NADSYN1: variants seen among roughly 807,000 people sequenced by gnomAD.
The protein encoded by NADSYN1 is glutamine-dependent NAD(+) synthetase.
NADSYN1 carries 80 observed loss-of-function variants against 99.3 expected under a neutral mutation model. The observed-to-expected ratio is 0.81, with a 90% CI of 0.67 to 0.97. The LOEUF (loss-of-function observed/expected upper bound fraction) is 0.97, where lower values mean the gene tolerates loss of function less well. Ranked by LOEUF, NADSYN1 falls within the 50% of genes least tolerant of loss-of-function variation. The pLI is 0.00. For synonymous variants in NADSYN1, 385 were observed against 372.1 expected (o/e 1.03, Z -0.40); for missense variants, 859 against 948.5 (o/e 0.91, Z 1.24).
At chr11:71,457,941 G>A (rs928318912) in intron 2 of NADSYN1, among the ~76,000 whole-genome samples, 2 of 152,190 alleles carry the variant, frequency 1.3e-5, no homozygotes, top group South Asian at 4.1e-4. Context: ...CTAAGGTGGG[G>A]TGTGGACGGA....
chr11:71,458,831 C>T (rs1224270903), intron 3 of NADSYN1: 1 of 328,092 alleles, frequency 3.0e-6, no homozygotes, highest in Admixed American at 4.4e-5. Context: ...TTCACCCCAC[C>T]CCGTGCAGAG....
intron 16 of NADSYN1, among the ~76,000 whole-genome samples, chr11:71,489,636 G>A (rs1029899272): frequency 6.6e-6 from 1 of 152,252 alleles, no homozygotes; most frequent in Non-Finnish European, 1.5e-5. Flanking sequence ...GACGGGACAG[G>A]ACAGGGAGCG....
At chr11:71,479,605 A>G (rs1439392322) in intron 10 of NADSYN1, 1 of 152,182 alleles carries the variant, frequency 6.6e-6, no homozygotes, top group East Asian at 1.9e-4. Flanking sequence ...GTCTGTCTTC[A>G]TGGATTTGCC....
Position 71,453,223 on chromosome 11 carries a change from C to G in NADSYN1, c.-74C>G. ...CGGGCAACCCGGAAGGTCCGGCGTC[C>G]CAGCCGCCTACCTCGCTGGGACCCT... is the stretch of plus-strand genomic sequence containing the variant. On this transcript the variant is annotated 5_prime_UTR_variant, in exon 1 of 21. Coordinates refer to ENST00000319023, the MANE Select transcript of NADSYN1 (RefSeq NM_018161.5). 7.2e-7 allele frequency: 1 copy of G among 1,388,282 alleles called. No individual in the cohort carries two copies. The highest frequency in any genetic ancestry group is 1.0e-6 in the Non-Finnish European group (1 of 996,332). 86.0% of individuals were successfully genotyped at this position (1,388,282 alleles called of 1,614,324 possible).
At position 71,453,314 on chromosome 11, in the gene NADSYN1, C is replaced by A. The variant is rs144185668; in HGVS notation, c.18C>A (p.Thr6=). ...CGGCCAGGATGGGCCGGAAGGTGAC[C>A]GTGGCCACCTGCGCACTCAACCAGT... MGRKV[T]VATCALNQWA... Residue 6 remains threonine, a synonymous_variant, in exon 1 of 21, where the codon ACC becomes ACA. Coordinates refer to ENST00000319023, the MANE Select transcript of NADSYN1 (RefSeq NM_018161.5). 7 of 1,613,648 alleles carry A rather than the reference C, an allele frequency of 4.3e-6. No homozygotes were observed. Among genetic ancestry groups the A allele is most frequent in the Non-Finnish European group, 5.9e-6 (7 of 1,179,792 alleles).
chr11:71,501,240 T>C (rs1949855417), intron 20 of NADSYN1, 62 bp from the exon 21 acceptor site: 1 of 1,425,046 alleles, frequency 7.0e-7, no homozygotes, highest in African/African-American at 1.4e-5. Flanking sequence ...TGCGTGCCAG[T>C]GTTTCAACAG....
Position 71,482,878 on chromosome 11 carries a change from A to G in NADSYN1, c.1180A>G (p.Ile394Val). 2 of 1,613,014 alleles carry G rather than the reference A, an allele frequency of 1.2e-6. No homozygotes were observed. The highest frequency in any genetic ancestry group is 8.5e-7 in the Non-Finnish European group (1 of 1,179,576). Residue 394 changes from isoleucine (I) to valine (V), a missense_variant, in exon 14 of 21, where the codon ATC becomes GTC. By Grantham distance (29) the Ile-to-Val change is conservative (BLOSUM62 3). Transcript: ENST00000319023. ...GGAAGTGCTGGCTGATGTCCGCACC[A>G]TCGTGAACCAGATCAGCTACACCCC... is the stretch of plus-strand genomic sequence containing the variant. ...NEEVLADVRT[I>V]VNQISYTPQD... is the part of the protein sequence containing the mutation.
Position 71,491,513 on chromosome 11 carries a change from T to C in NADSYN1, c.1695-321T>C, listed in dbSNP as rs115757870. On this transcript the variant is annotated intron_variant, in intron 17 of 20. Coordinates refer to ENST00000319023, the MANE Select transcript of NADSYN1 (RefSeq NM_018161.5). The stretch of plus-strand genomic sequence containing the variant: ...AGGGGTGCTCCTCAATGTGGCGCAG[T>C]GCACAGGCCATTGACATTCCCTACA... Among the ~76,000 whole-genome samples, 105 of 152,286 alleles carry C rather than the reference T, an allele frequency of 6.9e-4. 1 individual carries two copies. The highest frequency in any genetic ancestry group is 2.5e-3 in the African/African-American group (102 of 41,558).
chr11:71,459,041 C>A lies in NADSYN1; in HGVS notation c.263+497C>A, dbSNP rs979288026. 3 of 173,662 alleles carry A rather than the reference C, an allele frequency of 1.7e-5. No individual in the cohort carries two copies. In the South Asian group the frequency reaches 3.6e-4, roughly 21 times the overall value. The allele number at this position is 173,662 out of a possible 1,614,324, so 10.8% of individuals were successfully genotyped here. ...CGCTGTGCTGGTGTCTGTGCTGTAC[C>A]CTGCATAGCCGGTCCCTATGGAGGC... is the stretch of plus-strand genomic sequence containing the variant. On this transcript the variant is annotated intron_variant, in intron 3 of 20. Coordinates refer to ENST00000319023, the MANE Select transcript of NADSYN1 (RefSeq NM_018161.5).
chr11:71,462,290 G>A (rs1949555857), intron 3 of NADSYN1, among the ~76,000 whole-genome samples: 1 of 152,158 alleles, frequency 6.6e-6, no homozygotes, highest in South Asian at 2.1e-4. Context: ...GCTACTTGGA[G>A]GTTTCATTTA....
intron 14 of NADSYN1, among the ~76,000 whole-genome samples, 187 bp from the exon 15 acceptor site, chr11:71,484,125 G>T (rs988339635): frequency 6.6e-6 from 1 of 152,230 alleles, no homozygotes; most frequent in East Asian, 1.9e-4. Flanking sequence ...CTTCTCTGGT[G>T]ATGGGAAGTT....
At chr11:71,496,289 C>G (rs1397076036) in intron 18 of NADSYN1, 1 of 152,260 alleles carries the variant, frequency 6.6e-6, no homozygotes, top group Admixed American at 6.5e-5. Context: ...CCCCAGTCTT[C>G]TTGGCACCAG....
intron 16 of NADSYN1, among the ~76,000 whole-genome samples, chr11:71,490,272 C>T (rs948606026): frequency 2.0e-5 from 3 of 152,202 alleles, no homozygotes; most frequent in Non-Finnish European, 2.9e-5. Context: ...CTCACTTTCA[C>T]CCCCTTCTTT....
intron 19 of NADSYN1, 69 bp downstream of exon 19, chr11:71,497,680 G>T: frequency 3.1e-6 from 5 of 1,593,646 alleles, no homozygotes; most frequent in Admixed American, 1.7e-5. Flanking sequence ...AGGCCGGTTT[G>T]ACCTGTAGGA....
intron 2 of NADSYN1, among the ~76,000 whole-genome samples, chr11:71,458,129 G>A (rs776578869): frequency 1.7e-4 from 26 of 152,156 alleles, no homozygotes; most frequent in Non-Finnish European, 3.2e-4. Flanking sequence ...TGTCATTTGG[G>A]CCACATTAAC....
intron 16 of NADSYN1, among the ~76,000 whole-genome samples, chr11:71,486,784 T>C (rs1480930865): frequency 6.7e-6 from 1 of 148,910 alleles, no homozygotes; most frequent in Non-Finnish European, 1.5e-5. Context: ...CTTTTTTCTA[T>C]GGCGTGAGTG....
At chr11:71,485,673 G>T (rs1949737719) in intron 16 of NADSYN1, 25 bp downstream of exon 16, 2 of 1,517,094 alleles carry the variant, frequency 1.3e-6, no homozygotes, top group Non-Finnish European at 1.8e-6. Context: ...GTGGCACGTG[G>T]TGGTGGGCCC....
At chr11:71,495,554 G>A (rs924473825) in intron 18 of NADSYN1, among the ~76,000 whole-genome samples, 5 of 152,192 alleles carry the variant, frequency 3.3e-5, no homozygotes, top group African/African-American at 4.8e-5. Context: ...AGAGTTGTTC[G>A]TATCTTCTGT....
chr11:71,460,426 C>T (rs758894805), intron 3 of NADSYN1, among the ~76,000 whole-genome samples: 10 of 152,242 alleles, frequency 6.6e-5, no homozygotes, highest in Non-Finnish European at 1.5e-4. Flanking sequence ...TCCTGGCTCA[C>T]TGCAGCCTCG....
Sources: gnomAD v4.1 joint callset for allele counts (sites outside exome capture counted in the v4.1 genomes callset) on GRCh38, gnomAD v4.1.1 for gene constraint, MANE v1.5 for transcripts, NCBI Gene and HGNC (gene_info 2026-07-23, HGNC 2026-07-21) for gene names.